The following ZDHHC3 variants were observed in gnomAD, a reference collection of about 807,000 sequenced individuals.
ZDHHC3 encodes palmitoyltransferase ZDHHC3.
In ZDHHC3, 9 loss-of-function variants were observed where a neutral mutation model predicts 30.6. The ratio of observed to expected loss-of-function variants is 0.29; its 90% confidence interval spans 0.18 to 0.51. ZDHHC3 has a LOEUF of 0.51. Among genes scored for constraint, ZDHHC3 ranks in the 20% least tolerant of loss-of-function variants. The pLI, the probability that ZDHHC3 is intolerant of heterozygous loss-of-function variation, is 0.97. For synonymous variants in ZDHHC3, 136 were observed against 140.2 expected, an observed-to-expected ratio of 0.97 and a Z score of 0.21; for missense variants, 246 against 384.2, an observed-to-expected ratio of 0.64 and a Z score of 3.01.
intron 2 of ZDHHC3, among the ~76,000 whole-genome samples, chr3:44,946,302 A>T (rs1167695838): frequency 6.6e-6 from 1 of 152,228 alleles, no homozygotes; most frequent in African/African-American, 2.4e-5. Flanking sequence ...CGTTCTTTAG[A>T]GCCAATGGCA....
chr3:44,935,537 C>T (rs934238454), intron 3 of ZDHHC3, among the ~76,000 whole-genome samples: 10 of 152,238 alleles, frequency 6.6e-5, no homozygotes, highest in Non-Finnish European at 1.3e-4. Flanking sequence ...GCTGGGATGA[C>T]AGGCAGGAGC....
At chr3:44,941,846 G>C (rs1374866098) in intron 3 of ZDHHC3, among the ~76,000 whole-genome samples, 1 of 152,110 alleles carries the variant, frequency 6.6e-6, no homozygotes, top group Non-Finnish European at 1.5e-5. Flanking sequence ...AAGCCATCTT[G>C]GGCTGCAAGT....
rs1448082422 is a variant in ZDHHC3 at position 44,923,216 on chromosome 3, C to T, written c.*3473G>A. 3.7e-6 allele frequency: 3 copies of T among 806,344 alleles called. No homozygotes were observed. The African/African-American group carries it at 5.6e-5, about 15-fold the overall frequency. The allele number at this position is 806,344 out of a possible 1,614,324, so 49.9% of individuals were successfully genotyped here. ...TCAGCCTCCCAAGTAGCTGGGACTA[C>T]AGACGCCTGCCACCACGCCCAGCTA... is the stretch of plus-strand genomic sequence containing the variant. On this transcript the variant is annotated 3_prime_UTR_variant, in exon 7 of 7. Transcript: ENST00000424952.
chr3:44,927,411 C>G (rs1304344817), intron 6 of ZDHHC3, among the ~76,000 whole-genome samples: 2 of 152,202 alleles, frequency 1.3e-5, no homozygotes, highest in Non-Finnish European at 2.9e-5. Context: ...CCTGGGGGAT[C>G]AAGCAGCACC....
Position 44,924,342 on chromosome 3 carries a change from A to T in ZDHHC3, c.*2347T>A. On this transcript the variant is annotated 3_prime_UTR_variant, in exon 7 of 7. Coordinates refer to ENST00000424952, the MANE Select transcript of ZDHHC3 (RefSeq NM_001135179.2). The stretch of plus-strand genomic sequence containing the variant: ...GTCATTGTGCTCTTGGCAAAATATC[A>T]GTCTGAACAAAAATGAAATAGGAAA... 4 of 985,416 alleles carry T rather than the reference A, an allele frequency of 4.1e-6. No individual in the cohort carries two copies. Among genetic ancestry groups the T allele is most frequent in the Non-Finnish European group, 4.8e-6 (4 of 829,886 alleles). The allele number at this position is 985,416 out of a possible 1,614,324, so 61.0% of individuals were successfully genotyped here. A position where few individuals can be genotyped will look rare whatever the true frequency, so the allele number is the denominator to read the frequency against.
intron 3 of ZDHHC3, among the ~76,000 whole-genome samples, chr3:44,936,695 A>G (rs1404167036): frequency 6.6e-6 from 1 of 152,202 alleles, no homozygotes; most frequent in Non-Finnish European, 1.5e-5. Context: ...AGATGGGAAC[A>G]CAGACACTGG....
intron 2 of ZDHHC3, chr3:44,958,617 G>A (rs777571960): frequency 1.3e-6 from 2 of 1,536,080 alleles, no homozygotes; most frequent in South Asian, 1.2e-5. Flanking sequence ...CCTGAAACAG[G>A]CTTGTCCAGC....
At position 44,970,644 on chromosome 3, in the gene ZDHHC3, C is replaced by T. The variant is rs1245052259; in HGVS notation, c.-25+5289G>A. 3.3e-5 allele frequency among the ~76,000 whole-genome samples: 5 copies of T among 152,166 alleles called. No homozygotes were observed. The East Asian group carries it at 9.6e-4, about 29-fold the overall frequency. On this transcript the variant is annotated intron_variant, in intron 1 of 6. Transcript: ENST00000424952. Reference sequence around the variant, plus strand: ...TTCACTTACCTCTTTTCCCGATTTGCTAATATTCAAAAAGAAGCCCACTAG... The same window carrying T: ...TTCACTTACCTCTTTTCCCGATTTGTTAATATTCAAAAAGAAGCCCACTAG...
At chr3:44,968,807 T>A (rs1046978565) in intron 1 of ZDHHC3, among the ~76,000 whole-genome samples, 1 of 152,206 alleles carries the variant, frequency 6.6e-6, no homozygotes, top group African/African-American at 2.4e-5. Context: ...TCAATCAGAC[T>A]TGGGCCCTCA....
chr3:44,929,575 A>C, intron 5 of ZDHHC3, 139 bp from the exon 6 acceptor site: 1 of 1,182,670 alleles, frequency 8.5e-7, no homozygotes, highest in African/African-American at 1.5e-5. Flanking sequence ...TCTGGCCTCC[A>C]GGCTACGGTG....
rs1315547583 is a variant in ZDHHC3, at chr3:44,919,038, G to T, written c.*7651C>A. ...TTCACATGACTCAAGAAAGATCTCT[G>T]TGTATCTAGCACTTTTTCTTCCCAC... On this transcript the variant is annotated 3_prime_UTR_variant, in exon 7 of 7. Coordinates refer to ENST00000424952, the MANE Select transcript of ZDHHC3 (RefSeq NM_001135179.2). The T allele has an allele frequency of 1.0e-6, 1 of 985,304 alleles. No homozygotes were observed. The highest frequency in any genetic ancestry group is 1.2e-6 in the Non-Finnish European group (1 of 829,928). The allele number at this position is 985,304 out of a possible 1,614,324, so 61.0% of individuals were successfully genotyped here.
rs189472885 is a variant in ZDHHC3, at chr3:44,961,581, G to T, written c.-24-2121C>A. ...TTCTGAAGCACCAAACAGGACAGTA[G>T]AAGATCGGAGATCAGGAATGTCTGG... On this transcript the variant is annotated intron_variant, in intron 1 of 6. Coordinates refer to ENST00000424952, the MANE Select transcript of ZDHHC3 (RefSeq NM_001135179.2). Among the ~76,000 whole-genome samples, 5 of 152,244 alleles carry T rather than the reference G, an allele frequency of 3.3e-5. No homozygotes were observed. In the East Asian group the frequency reaches 9.7e-4, roughly 29 times the overall value.
intron 2 of ZDHHC3, among the ~76,000 whole-genome samples, chr3:44,954,822 A>G (rs1575896173): frequency 6.6e-6 from 1 of 152,110 alleles, no homozygotes. Flanking sequence ...GAAATAAAGA[A>G]GCCCCTCAGG....
Position 44,917,797 on chromosome 3 carries a change from G to A in ZDHHC3, c.*8892C>T, listed in dbSNP as rs557637151. On this transcript the variant is annotated 3_prime_UTR_variant, in exon 7 of 7. Coordinates refer to ENST00000424952, the MANE Select transcript of ZDHHC3 (RefSeq NM_001135179.2). The stretch of plus-strand genomic sequence containing the variant: ...AGTGGCTAAGGGAAGCACTGGGGGT[G>A]CTGGGAGCGCACCATGCCCATAAGC... 1.6e-6 allele frequency: 2 copies of A among 1,226,772 alleles called. No homozygotes were observed. The highest frequency in any genetic ancestry group is 1.1e-4 in the East Asian group (2 of 17,544). 76.0% of individuals were successfully genotyped at this position (1,226,772 alleles called of 1,614,324 possible). A position where few individuals can be genotyped will look rare whatever the true frequency, so the allele number is the denominator to read the frequency against.
At position 44,975,409 on chromosome 3, in the gene ZDHHC3, G is replaced by C. The variant is rs987639050; in HGVS notation, c.-25+524C>G. 4 of 152,186 alleles carry C rather than the reference G, an allele frequency of 2.6e-5. No individual in the cohort carries two copies. In the South Asian group the frequency reaches 6.2e-4, roughly 24 times the overall value. The allele number at this position is 152,186 out of a possible 1,614,324, so 9.4% of individuals were successfully genotyped here. ...CCGCTAGGAAGCGTTGGGGACGTCC[G>C]GGCACTGCGCACCTCGCCAGTGCCG... is the stretch of plus-strand genomic sequence containing the variant. On this transcript the variant is annotated intron_variant, in intron 1 of 6. Coordinates refer to ENST00000424952, the MANE Select transcript of ZDHHC3 (RefSeq NM_001135179.2).
chr3:44,970,762 T>C (rs1705341132), intron 1 of ZDHHC3, among the ~76,000 whole-genome samples: 1 of 152,222 alleles, frequency 6.6e-6, no homozygotes, highest in African/African-American at 2.4e-5. Context: ...ATTTAATTTT[T>C]TTCAGAGTGG....
At chr3:44,967,329 A>G (rs1202058665) in intron 1 of ZDHHC3, among the ~76,000 whole-genome samples, 1 of 152,150 alleles carries the variant, frequency 6.6e-6, no homozygotes, top group East Asian at 1.9e-4. Flanking sequence ...TACTTACTAT[A>G]ACTATTTTAT....
chr3:44,928,635 T>C (rs559283826), intron 6 of ZDHHC3, among the ~76,000 whole-genome samples: 1 of 152,162 alleles, frequency 6.6e-6, no homozygotes, highest in South Asian at 2.1e-4. Flanking sequence ...TCAGACACCT[T>C]AGGAAGGTCA....
intron 2 of ZDHHC3, among the ~76,000 whole-genome samples, chr3:44,951,802 G>A (rs1439034722): frequency 6.6e-6 from 1 of 152,150 alleles, no homozygotes; most frequent in African/African-American, 2.4e-5. Flanking sequence ...AACTCACTGT[G>A]GCCAAATCCA....
Sources: allele counts gnomAD v4.1 joint callset (sites outside exome capture counted in the v4.1 genomes callset), GRCh38; gene constraint gnomAD v4.1.1; transcripts MANE v1.5; gene names NCBI Gene and HGNC (gene_info 2026-07-23, HGNC 2026-07-21).